The following ESRRA variants were observed in gnomAD, a reference collection of about 807,000 sequenced individuals.
ESRRA encodes estrogen related receptor alpha.
Under a neutral mutation model 35.6 loss-of-function variants are expected in ESRRA, and 7 were observed. The ratio of observed to expected loss-of-function variants is 0.20; its 90% CI spans 0.11 to 0.37. The LOEUF (loss-of-function observed/expected upper bound fraction) is 0.37. Among genes scored for constraint, ESRRA ranks in the 10% least tolerant of loss-of-function variants. The pLI, the probability that ESRRA is intolerant of heterozygous loss-of-function variation, is 1.00. For missense variants in ESRRA, 378 were observed against 561.7 expected, an observed-to-expected ratio of 0.67 and a Z score of 3.31; for synonymous variants, 223 against 246.9, an observed-to-expected ratio of 0.90 and a Z score of 0.91.
intron 2 of ESRRA, among the ~76,000 whole-genome samples, chr11:64,311,401 C>A (rs2035136644): frequency 6.9e-6 from 1 of 144,898 alleles, no homozygotes; most frequent in Admixed American, 7.2e-5. Flanking sequence ...GGTTCTGAGG[C>A]TCCAGAGGGC....
intron 2 of ESRRA, among the ~76,000 whole-genome samples, chr11:64,312,901 G>A (rs1470323563): frequency 6.6e-6 from 1 of 152,196 alleles, no homozygotes; most frequent in African/African-American, 2.4e-5. Context: ...GCGAGAGCAA[G>A]GAGTAGAGGT....
At chr11:64,311,688 A>ATAGGCGTGAGCCACTG in intron 2 of ESRRA, among the ~76,000 whole-genome samples, 1 of 148,970 alleles carries the variant, frequency 6.7e-6, no homozygotes, top group East Asian at 2.0e-4. Flanking sequence ...TGCTGGGATT[A>ATAGGCGTGAGCCACTG]CGCTCCCGGC....
intron 4 of ESRRA, 116 bp downstream of exon 4, chr11:64,314,483 C>T (rs2035201708): frequency 2.3e-6 from 3 of 1,289,600 alleles, no homozygotes; most frequent in Non-Finnish European, 3.1e-6. Context: ...ACTCATTTCC[C>T]CAAGACATGT....
intron 2 of ESRRA, 57 bp downstream of exon 2, chr11:64,307,561 G>T: frequency 9.9e-6 from 13 of 1,317,818 alleles, no homozygotes; most frequent in Non-Finnish European, 1.2e-5. Flanking sequence ...GTACACTGCT[G>T]GGTGCAATAG....
chr11:64,315,001 G>T lies in ESRRA; in HGVS notation c.743G>T (p.Gly248Val). 6.3e-7 allele frequency: 1 copy of T among 1,589,668 alleles called. No homozygotes were observed. The highest frequency in any genetic ancestry group is 8.6e-7 in the Non-Finnish European group (1 of 1,167,708). Reference protein sequence around the residue: ...VTISWAKSIPGFSSLSLSDQM... With the variant: ...VTISWAKSIPVFSSLSLSDQM... ...AGGCCCGCTCCCCGCTGCCCCCTAG[G>T]CTTCTCATCGCTGTCGCTGTCTGAC... The change falls in exon 6 of 7, where the codon GGC becomes GTC. Residue 248 changes from glycine to valine, a missense_variant and splice_region_variant. Gly to Val is a moderately radical substitution (Grantham distance 109). Around this residue, in one of 4 missense-constraint regions of ESRRA, gnomAD observed 284 missense variants for 411.7 expected, o/e 0.69. Coordinates refer to ENST00000000442, the MANE Select transcript of ESRRA (RefSeq NM_004451.5).
Position 64,313,706 on chromosome 11 carries a change from G to A in ESRRA, c.326-245G>A, listed in dbSNP as rs2035184440. On this transcript the variant is annotated intron_variant, in intron 2 of 6. Coordinates refer to ENST00000000442, the MANE Select transcript of ESRRA (RefSeq NM_004451.5). This position sits in a 1 kb window ranked among gnomAD's most constrained non-coding sequence, Gnocchi z 4.0. ...GATGTCGGCAGATGAGGGCAGTGTG[G>A]TCCAGAGATGAGGCTTGGGGCTGAG... 2 of 477,414 alleles carry A rather than the reference G, an allele frequency of 4.2e-6. No homozygotes were observed. Among genetic ancestry groups the A allele is most frequent in the South Asian group, 6.6e-5 (2 of 30,472 alleles). 29.6% of individuals were successfully genotyped at this position (477,414 alleles called of 1,614,324 possible). A position where few individuals can be genotyped will look rare whatever the true frequency, so the allele number is the denominator to read the frequency against.
At position 64,314,982 on chromosome 11, in the gene ESRRA, G is replaced by C. The variant is rs778335734; in HGVS notation, c.743-19G>C. 1 of 1,585,544 alleles carries C rather than the reference G, an allele frequency of 6.3e-7. No homozygotes were observed. On this transcript the variant is annotated intron_variant, in intron 5 of 6. Coordinates refer to ENST00000000442, the MANE Select transcript of ESRRA (RefSeq NM_004451.5). The stretch of plus-strand genomic sequence containing the variant: ...CTGGTGCGCTTGCTCAGCCAGGCCC[G>C]CTCCCCGCTGCCCCCTAGGCTTCTC...
intron 2 of ESRRA, among the ~76,000 whole-genome samples, chr11:64,310,424 C>T (rs902708469): frequency 6.7e-6 from 1 of 150,374 alleles, no homozygotes; most frequent in Non-Finnish European, 1.5e-5. Context: ...TTAGTAGAGA[C>T]GGGGTTTCAG....
chr11:64,307,847 C>T (rs2035065368), intron 2 of ESRRA, among the ~76,000 whole-genome samples: 1 of 152,134 alleles, frequency 6.6e-6, no homozygotes. Context: ...TAGAACATGT[C>T]CCCTTTTTGT....
Position 64,310,539 on chromosome 11 carries a change from T to TG in ESRRA, c.325+3035_325+3036insG, listed in dbSNP as rs1350162617. Among the ~76,000 whole-genome samples, 7 of 98,444 alleles carry TG rather than the reference T, an allele frequency of 7.1e-5. No homozygotes were observed. In the East Asian group the frequency reaches 1.5e-3, roughly 21 times the overall value. 64.6% of individuals were successfully genotyped at this position (98,444 alleles called of 152,430 possible). On this transcript the variant is annotated intron_variant, in intron 2 of 6. Transcript: ENST00000000442. Reference sequence around the variant, plus strand: ...GTGAGCCACTGCTCCTGGCCAGGTTTTTTTTTTTTTTTTTTTTTTTTTTGA... The same window carrying TG: ...GTGAGCCACTGCTCCTGGCCAGGTTTGTTTTTTTTTTTTTTTTTTTTTTTGA...
At position 64,313,864 on chromosome 11, in the gene ESRRA, G is replaced by GC; in HGVS notation, c.326-84dup. On this transcript the variant is annotated intron_variant, in intron 2 of 6. Transcript: ENST00000000442. This position sits in a 1 kb window ranked among gnomAD's most constrained non-coding sequence, Gnocchi z 4.0. ...TCCCCATACCCCCAGACCTGTGCTT[G>GC]CCCGGGGAGAGTCAGGGCTCTCCTG... is the stretch of plus-strand genomic sequence containing the variant. 1.1e-6 allele frequency: 1 copy of GC among 884,306 alleles called. No individual in the cohort carries two copies. Among genetic ancestry groups the GC allele is most frequent in the Non-Finnish European group, 1.8e-6 (1 of 570,056 alleles). The allele number at this position is 884,306 out of a possible 1,614,324, so 54.8% of individuals were successfully genotyped here.
chr11:64,310,451 G>C (rs1325031746), intron 2 of ESRRA, among the ~76,000 whole-genome samples: 1 of 150,472 alleles, frequency 6.6e-6, no homozygotes, highest in Non-Finnish European at 1.5e-5. Context: ...AGCCAAGATG[G>C]TCTTGATTTC....
Position 64,313,884 on chromosome 11 carries a change from C to G in ESRRA, c.326-67C>G. On this transcript the variant is annotated intron_variant, in intron 2 of 6. Transcript: ENST00000000442. The surrounding 1 kb of genome is among the most constrained non-coding windows in gnomAD (Gnocchi z 4.0). Reference sequence around the variant, plus strand: ...TGCTTGCCCGGGGAGAGTCAGGGCTCTCCTGTCAGCTGGGTCCCCTCCCAG... The same window carrying G: ...TGCTTGCCCGGGGAGAGTCAGGGCTGTCCTGTCAGCTGGGTCCCCTCCCAG... The G allele has an allele frequency of 8.7e-7, 1 of 1,146,802 alleles. No homozygotes were observed. The highest frequency in any genetic ancestry group is 1.3e-6 in the Non-Finnish European group (1 of 799,574). 71.0% of individuals were successfully genotyped at this position (1,146,802 alleles called of 1,614,324 possible). A position where few individuals can be genotyped will look rare whatever the true frequency, so the allele number is the denominator to read the frequency against.
chr11:64,315,336 G>T, intron 6 of ESRRA, 66 bp downstream of exon 6: 1 of 1,473,446 alleles, frequency 6.8e-7, no homozygotes, highest in Non-Finnish European at 9.1e-7. Context: ...ACTCAGTGAC[G>T]GTAGCACAGC....
Position 64,314,796 on chromosome 11 carries a change from C to G in ESRRA, c.627C>G (p.Leu209=), listed in dbSNP as rs1340029464. 1.2e-6 allele frequency: 2 copies of G among 1,612,418 alleles called. No individual in the cohort carries two copies. The highest frequency in any genetic ancestry group is 1.3e-5 in the African/African-American group (1 of 75,028). The change falls in exon 5 of 7, where the codon CTC becomes CTG. Residue 209 remains leucine, a synonymous_variant. Transcript: ENST00000000442. ...TGCTGGTGGTTGAGCCTGAGAAGCT[C>G]TATGCCATGCCTGACCCCGCAGGCC... ...SHLLVVEPEK[L]YAMPDPAGPD...
chr11:64,309,434 C>A (rs1326724821), intron 2 of ESRRA, among the ~76,000 whole-genome samples: 490 of 122,404 alleles, frequency 4.0e-3, no homozygotes, highest in East Asian at 4.1e-3. Context: ...ACTCTCATCT[C>A]AAAAAAAAAA....
chr11:64,313,886 C>T lies in ESRRA; in HGVS notation c.326-65C>T, dbSNP rs904725168. On this transcript the variant is annotated intron_variant, in intron 2 of 6. Transcript: ENST00000000442. The surrounding 1 kb of genome is among the most constrained non-coding windows in gnomAD (Gnocchi z 4.0). The stretch of plus-strand genomic sequence containing the variant: ...CTTGCCCGGGGAGAGTCAGGGCTCT[C>T]CTGTCAGCTGGGTCCCCTCCCAGCC... The T allele has an allele frequency of 4.3e-6, 5 of 1,173,224 alleles. No homozygotes were observed. The highest frequency in any genetic ancestry group is 6.1e-6 in the Non-Finnish European group (5 of 822,636). 72.7% of individuals were successfully genotyped at this position (1,173,224 alleles called of 1,614,324 possible). A position where few individuals can be genotyped will look rare whatever the true frequency, so the allele number is the denominator to read the frequency against.
chr11:64,311,764 C>T (rs1416563133), intron 2 of ESRRA, among the ~76,000 whole-genome samples: 4 of 151,532 alleles, frequency 2.6e-5, no homozygotes, highest in Non-Finnish European at 5.9e-5. Context: ...ACGATCTCAG[C>T]TTACTGCAAC....
chr11:64,307,003 G>C (rs1215977160), intron 1 of ESRRA, among the ~76,000 whole-genome samples, 165 bp from the exon 2 acceptor site: 1 of 152,152 alleles, frequency 6.6e-6, no homozygotes, highest in Admixed American at 6.5e-5. Flanking sequence ...CTAGGAGGGG[G>C]CAGTGTTCCT....
Sources: gnomAD v4.1 joint callset for allele counts (sites outside exome capture counted in the v4.1 genomes callset) on GRCh38, gnomAD v4.1.1 for gene constraint, gnomAD v4.1.1 regional missense constraint, Gnocchi (gnomAD v3.1) non-coding constraint, MANE v1.5 for transcripts, NCBI Gene and HGNC (gene_info 2026-07-23, HGNC 2026-07-21) for gene names.